The following ADAMTS2 variants were observed in gnomAD, a reference collection of about 807,000 sequenced individuals.
ADAMTS2 encodes the protein A disintegrin and metalloproteinase with thrombospondin motifs 2.
In ADAMTS2, 50 loss-of-function variants were observed where a neutral mutation model predicts 123.0. The observed-to-expected ratio is 0.41, with a 90% CI of 0.32 to 0.51. The LOEUF is 0.51. ADAMTS2 is among the 20% of genes least tolerant of loss of function. ADAMTS2 has a pLI of 0.35. For synonymous variants in ADAMTS2, 678 were observed against 695.4 expected (o/e 0.98, Z 0.39); for missense variants, 1,494 against 1,705.2 (o/e 0.88, Z 2.18).
Position 179,132,373 on chromosome 5 carries a change from A to C in ADAMTS2, c.2210-63T>G. 1 of 1,497,718 alleles carries C rather than the reference A, an allele frequency of 6.7e-7. No homozygotes were observed. The highest frequency in any genetic ancestry group is 2.3e-5 in the East Asian group (1 of 44,168). The allele number at this position is 1,497,718 out of a possible 1,614,324, so 92.8% of individuals were successfully genotyped here. On this transcript the variant is annotated intron_variant, in intron 14 of 21. Transcript: ENST00000251582. This position sits in a 1 kb window ranked among gnomAD's most constrained non-coding sequence, Gnocchi z 6.1. ...GGAAGGCGCCGCTCAAATTCGCACC[A>C]TGCAAGGAGGGGCCTCGCTCTTGAA...
Position 179,262,489 on chromosome 5 carries a change from G to C in ADAMTS2, c.688+10422C>G, listed in dbSNP as rs764275739. ...CGTGACCGTCCCTTCAAAGCGATGA[G>C]TGCCACCCATCCCTCCCGGCCCTGC... On this transcript the variant is annotated intron_variant, in intron 3 of 21. Transcript: ENST00000251582. This position sits in a 1 kb window ranked among gnomAD's most constrained non-coding sequence, Gnocchi z 5.9. 6.6e-6 allele frequency among the ~76,000 whole-genome samples: 1 copy of C among 151,802 alleles called. No individual in the cohort carries two copies.
At chr5:179,239,558 C>T (rs761518825) in intron 3 of ADAMTS2, among the ~76,000 whole-genome samples, 12 of 152,000 alleles carry the variant, frequency 7.9e-5, no homozygotes, top group Admixed American at 3.3e-4. Flanking sequence ...CTGCTGGAGT[C>T]AGGAGCGTGG....
intron 2 of ADAMTS2, among the ~76,000 whole-genome samples, chr5:179,328,322 G>A (rs995966804): frequency 8.5e-5 from 13 of 152,344 alleles, no homozygotes; most frequent in Non-Finnish European, 1.9e-4. Context: ...GTGAGCCACC[G>A]CACCCGGCAA....
chr5:179,132,767 A>G lies in ADAMTS2; in HGVS notation c.2209+10T>C. 6.2e-7 allele frequency: 1 copy of G among 1,613,952 alleles called. No homozygotes were observed. Among genetic ancestry groups the G allele is most frequent in the South Asian group, 1.1e-5 (1 of 91,070 alleles). Reference sequence around the variant, plus strand: ...CCAGGCTCCAGGGTGGAGAGCAGGGACCCACTCACCATGCTTCTTGGGTGA... The same window carrying G: ...CCAGGCTCCAGGGTGGAGAGCAGGGGCCCACTCACCATGCTTCTTGGGTGA... On this transcript the variant is annotated intron_variant, in intron 14 of 21. Coordinates refer to ENST00000251582, the MANE Select transcript of ADAMTS2 (RefSeq NM_014244.5). The surrounding 1 kb of genome is among the most constrained non-coding windows in gnomAD (Gnocchi z 6.1).
intron 3 of ADAMTS2, among the ~76,000 whole-genome samples, chr5:179,263,601 T>C (rs372933584): frequency 1.0e-3 from 153 of 152,280 alleles, no homozygotes; most frequent in African/African-American, 3.4e-3. Flanking sequence ...CTGGCCGGGT[T>C]CTCTACCAGC....
At chr5:179,171,555 C>T (rs756925989) in intron 5 of ADAMTS2, among the ~76,000 whole-genome samples, 5 of 152,342 alleles carry the variant, frequency 3.3e-5, no homozygotes, top group East Asian at 1.9e-4. Flanking sequence ...CGGGCAGGCC[C>T]GGCTCTTCTG....
rs180757564 is a variant in ADAMTS2 at position 179,181,269 on chromosome 5, C to T, written c.892-114G>A. 11 of 803,116 alleles carry T rather than the reference C, an allele frequency of 1.4e-5. No individual in the cohort carries two copies. The highest frequency in any genetic ancestry group is 5.2e-5 in the East Asian group (2 of 38,810). 49.7% of individuals were successfully genotyped at this position (803,116 alleles called of 1,614,324 possible). A position where few individuals can be genotyped will look rare whatever the true frequency, so the allele number is the denominator to read the frequency against. ...CTTCTTCCCATGCTTTCCACCCAGG[C>T]GTCACCATCAACTAGGAGCCACCTT... On this transcript the variant is annotated intron_variant, in intron 4 of 21. Transcript: ENST00000251582. This position sits in a 1 kb window ranked among gnomAD's most constrained non-coding sequence, Gnocchi z 4.1.
rs1383032868 is a variant in ADAMTS2 at position 179,132,896 on chromosome 5, A to C, written c.2090T>G (p.Val697Gly). 6.2e-7 allele frequency: 1 copy of C among 1,613,580 alleles called. No homozygotes were observed. The highest frequency in any genetic ancestry group is 1.7e-5 in the Admixed American group (1 of 59,980). Residue 697 changes from valine (V) to glycine (G), a missense_variant, in exon 14 of 22, where the codon GTG (valine) becomes GGG (glycine). Transcript: ENST00000251582. The surrounding 1 kb of genome is among the most constrained non-coding windows in gnomAD (Gnocchi z 6.1). Reference protein sequence around the residue: ...SLCVRGDCRKVGCDGVIGSSK... With the variant: ...SLCVRGDCRKGGCDGVIGSSK... Reference sequence around the variant, plus strand: ...GGAGCCGATCACACCGTCACAGCCCACCTTCTGTTGGGGGAGGAGGCAGTG... The same window carrying C: ...GGAGCCGATCACACCGTCACAGCCCCCCTTCTGTTGGGGGAGGAGGCAGTG...
At position 179,314,315 on chromosome 5, in the gene ADAMTS2, C is replaced by T. The variant is rs1756917487; in HGVS notation, c.534+29452G>A. ...ATCTGGGGCTTGGCTGGGCCTCAGC[C>T]TCCTGGCTGCCACGTCTCACTGGGA... On this transcript the variant is annotated intron_variant, in intron 2 of 21. Transcript: ENST00000251582. This position sits in a 1 kb window ranked among gnomAD's most constrained non-coding sequence, Gnocchi z 4.5. Among the ~76,000 whole-genome samples the T allele has an allele frequency of 6.6e-6, 1 of 152,226 alleles. No individual in the cohort carries two copies. Among genetic ancestry groups the T allele is most frequent in the African/African-American group, 2.4e-5 (1 of 41,466 alleles).
intron 3 of ADAMTS2, among the ~76,000 whole-genome samples, chr5:179,214,911 A>C (rs536968529): frequency 1.1e-4 from 16 of 152,200 alleles, no homozygotes; most frequent in Non-Finnish European, 2.2e-4. Flanking sequence ...CCGTCGAATA[A>C]TTGTTAAAAT....
intron 2 of ADAMTS2, among the ~76,000 whole-genome samples, chr5:179,276,393 C>T (rs538306003): frequency 9.2e-5 from 14 of 152,150 alleles, no homozygotes; most frequent in East Asian, 5.8e-4. Context: ...CCCTGGGGGG[C>T]GGCAGCGGGC....
intron 3 of ADAMTS2, among the ~76,000 whole-genome samples, chr5:179,251,262 T>A (rs760702466): frequency 8.5e-5 from 13 of 152,166 alleles, no homozygotes; most frequent in Non-Finnish European, 8.8e-5. Flanking sequence ...GCAGAGCTGC[T>A]AGAAACCCAG....
rs1280154253 is a variant in ADAMTS2 at position 179,189,784 on chromosome 5, G to C, written c.892-8629C>G. 6.7e-6 allele frequency among the ~76,000 whole-genome samples: 1 copy of C among 149,510 alleles called. No individual in the cohort carries two copies. The highest frequency in any genetic ancestry group is 2.5e-5 in the African/African-American group (1 of 40,406). The stretch of plus-strand genomic sequence containing the variant: ...ACAAAGTATCTTCTTAAGGATGGGG[G>C]TGGGGAAGAATATTACTAAGTATCT... On this transcript the variant is annotated intron_variant, in intron 4 of 21. Coordinates refer to ENST00000251582, the MANE Select transcript of ADAMTS2 (RefSeq NM_014244.5). The surrounding 1 kb of genome is among the most constrained non-coding windows in gnomAD (Gnocchi z 4.2).
At position 179,343,960 on chromosome 5, in the gene ADAMTS2, G is replaced by C; in HGVS notation, c.341C>G (p.Thr114Arg). The change falls in exon 2 of 22, where the codon ACG becomes AGG. Residue 114 changes from threonine (T) to arginine (R), a missense_variant. Transcript: ENST00000251582. The part of the protein sequence containing the change: ...EPGSHLFYNV[T>R]VFGRDLHLRL... ...CAGGTGCAGGTCTCGGCCAAAGACCGTGACATTGTAGAAGAGGTGACTGCC... is the reference window on the plus strand; with the variant it reads ...CAGGTGCAGGTCTCGGCCAAAGACCCTGACATTGTAGAAGAGGTGACTGCC... 1 of 1,612,346 alleles carries C rather than the reference G, an allele frequency of 6.2e-7. No individual in the cohort carries two copies. The highest frequency in any genetic ancestry group is 8.5e-7 in the Non-Finnish European group (1 of 1,179,774).
chr5:179,249,895 A>G (rs1357954338), intron 3 of ADAMTS2, among the ~76,000 whole-genome samples: 1 of 152,214 alleles, frequency 6.6e-6, no homozygotes, highest in Non-Finnish European at 1.5e-5. Flanking sequence ...ATCATAAGAA[A>G]ACTACAGACT....
Position 179,115,679 on chromosome 5 carries a change from G to C in ADAMTS2, c.3179-1355C>G, listed in dbSNP as rs1291988482. Among the ~76,000 whole-genome samples, 1 of 152,104 alleles carries C rather than the reference G, an allele frequency of 6.6e-6. No homozygotes were observed. Among genetic ancestry groups the C allele is most frequent in the Non-Finnish European group, 1.5e-5 (1 of 68,024 alleles). On this transcript the variant is annotated intron_variant, in intron 21 of 21. Coordinates refer to ENST00000251582, the MANE Select transcript of ADAMTS2 (RefSeq NM_014244.5). The surrounding 1 kb of genome is among the most constrained non-coding windows in gnomAD (Gnocchi z 4.4). ...AAGGAAAGGGAGGGAGGGACAAAAG[G>C]AAGAAAGGGAGGAGGAAAGGGAGGG...
At chr5:179,237,274 T>A (rs1254943591) in intron 3 of ADAMTS2, among the ~76,000 whole-genome samples, 2 of 152,102 alleles carry the variant, frequency 1.3e-5, no homozygotes, top group East Asian at 1.9e-4. Flanking sequence ...AACATTTTTT[T>A]AAATTAAAAA....
chr5:179,131,891 T>TGCCTTCCCGAGGGCAGGGG (rs1762969289), intron 15 of ADAMTS2, among the ~76,000 whole-genome samples: 1 of 152,208 alleles, frequency 6.6e-6, no homozygotes, highest in Admixed American at 6.5e-5. Flanking sequence ...AGACCCTGCC[T>TGCCTTCCCGAGGGCAGGGG]GCCTTCCCGA....
Position 179,130,694 on chromosome 5 carries a change from C to G in ADAMTS2, c.2291-596G>C, listed in dbSNP as rs1401413823. Among the ~76,000 whole-genome samples, 4 of 152,182 alleles carry G rather than the reference C, an allele frequency of 2.6e-5. No homozygotes were observed. The highest frequency in any genetic ancestry group is 9.7e-5 in the African/African-American group (4 of 41,442). On this transcript the variant is annotated intron_variant, in intron 15 of 21. Coordinates refer to ENST00000251582, the MANE Select transcript of ADAMTS2 (RefSeq NM_014244.5). This position sits in a 1 kb window ranked among gnomAD's most constrained non-coding sequence, Gnocchi z 4.3. Reference sequence around the variant, plus strand: ...ACCTGGCTAGCCAGGAAGCCCCATGCTCTCTGCAGTGTGGGGGGTGGCTGC... The same window carrying G: ...ACCTGGCTAGCCAGGAAGCCCCATGGTCTCTGCAGTGTGGGGGGTGGCTGC...
Sources: gnomAD v4.1 joint callset for allele counts (sites outside exome capture counted in the v4.1 genomes callset) on GRCh38, gnomAD v4.1.1 for gene constraint, Gnocchi (gnomAD v3.1) non-coding constraint, MANE v1.5 for transcripts, NCBI Gene and HGNC (gene_info 2026-07-23, HGNC 2026-07-21) for gene names.